Variants in TBC1D32 observed in about 807,000 individuals in gnomAD.
TBC1D32 encodes TBC1 domain family member 32.
In TBC1D32, 151 loss-of-function variants were observed where a neutral mutation model predicts 170.3. That is an observed-to-expected ratio of 0.89 (90% confidence interval 0.78 to 1.01). TBC1D32 has a LOEUF of 1.01. Ranked by LOEUF, TBC1D32 falls within the 50% of genes least tolerant of loss-of-function variation. TBC1D32 has a pLI of 0.00. For synonymous variants in TBC1D32, 498 were observed against 488.0 expected (o/e 1.02, Z -0.27); for missense variants, 1,464 against 1,457.1 (o/e 1.00, Z -0.08).
Position 121,300,215 on chromosome 6 carries a change from G to A in TBC1D32, c.1081-710C>T, listed in dbSNP as rs144471644. Among the ~76,000 whole-genome samples the A allele has an allele frequency of 3.7e-3, 567 of 152,084 alleles. 4 individuals are homozygous for A. The highest frequency in any genetic ancestry group is 0.012 in the African/African-American group (500 of 41,480). On this transcript the variant is annotated intron_variant, in intron 9 of 31. Coordinates refer to ENST00000398212, the MANE Select transcript of TBC1D32 (RefSeq NM_152730.6). ...TCCCAGCACTTTGAGAGGATGAGGC[G>A]GGCAAATCACGAGGTCAGGAGTTCG...
At chr6:121,295,362 T>C (rs1805460138) in intron 10 of TBC1D32, among the ~76,000 whole-genome samples, 1 of 151,004 alleles carries the variant, frequency 6.6e-6, no homozygotes, top group African/African-American at 2.4e-5. Flanking sequence ...AGGCAGTTGT[T>C]GGTGACCTTG....
Position 121,233,078 on chromosome 6 carries a change from A to T in TBC1D32, c.2364+5992T>A, listed in dbSNP as rs111739330. 3.1e-3 allele frequency among the ~76,000 whole-genome samples: 464 copies of T among 152,110 alleles called. 4 individuals carry two copies. Among genetic ancestry groups the T allele is most frequent in the African/African-American group, 0.011 (449 of 41,510 alleles). On this transcript the variant is annotated intron_variant, in intron 20 of 31. Transcript: ENST00000398212. ...CCACTGTGGTCTGAGAGAGTACCTG[A>T]TATAATTTTGATTTTCTTAAATTTA...
At chr6:121,205,577 C>T (rs555487244) in intron 21 of TBC1D32, among the ~76,000 whole-genome samples, 1 of 152,146 alleles carries the variant, frequency 6.6e-6, no homozygotes, top group Non-Finnish European at 1.5e-5. Context: ...GAATGAACAA[C>T]GGATCAAAAT....
intron 15 of TBC1D32, among the ~76,000 whole-genome samples, chr6:121,266,278 A>G (rs1296312294): frequency 6.6e-6 from 1 of 152,194 alleles, no homozygotes; most frequent in Admixed American, 6.5e-5. Flanking sequence ...ACTTCTCAAA[A>G]GAAGACATTT....
At chr6:121,281,992 G>A (rs1158994132) in intron 13 of TBC1D32, among the ~76,000 whole-genome samples, 3 of 151,716 alleles carry the variant, frequency 2.0e-5, no homozygotes, top group Non-Finnish European at 3.0e-5. Context: ...TGAAGCAAAT[G>A]TACAGCTTTT....
intron 3 of TBC1D32, among the ~76,000 whole-genome samples, chr6:121,317,279 C>T (rs1809065628): frequency 6.6e-6 from 1 of 151,668 alleles, no homozygotes; most frequent in Non-Finnish European, 1.5e-5. Flanking sequence ...TCTCATATCA[C>T]CAAGAATTAT....
At chr6:121,127,503 C>T (rs890653148) in intron 25 of TBC1D32, among the ~76,000 whole-genome samples, 1 of 152,046 alleles carries the variant, frequency 6.6e-6, no homozygotes, top group Non-Finnish European at 1.5e-5. Flanking sequence ...GTATTGTAAG[C>T]TATTTATGTT....
intron 29 of TBC1D32, among the ~76,000 whole-genome samples, chr6:121,108,972 T>C (rs1778962254): frequency 6.6e-6 from 1 of 152,142 alleles, no homozygotes; most frequent in African/African-American, 2.4e-5. Context: ...TTTGATTCTA[T>C]AATTCTAGAT....
intron 1 of TBC1D32, among the ~76,000 whole-genome samples, chr6:121,332,200 G>A (rs1193796317): frequency 3.3e-5 from 5 of 151,926 alleles, no homozygotes; most frequent in Non-Finnish European, 7.4e-5. Flanking sequence ...AATAATTATA[G>A]GCAAACGTGT....
chr6:121,177,957 G>C (rs1787993886), intron 22 of TBC1D32, among the ~76,000 whole-genome samples: 1 of 152,088 alleles, frequency 6.6e-6, no homozygotes, highest in Non-Finnish European at 1.5e-5. Context: ...ACCCAAGACT[G>C]GGTAATTTAT....
Position 121,188,489 on chromosome 6 carries a change from A to C in TBC1D32, c.2570+16586T>G, listed in dbSNP as rs372604432. On this transcript the variant is annotated intron_variant, in intron 22 of 31. Transcript: ENST00000398212. ...CAAGAATATGACAAAACTATAGAAC[A>C]GAGAGAGAAGGAGAGCCAATGAAAT... 8.5e-5 allele frequency among the ~76,000 whole-genome samples: 13 copies of C among 152,284 alleles called. No individual in the cohort carries two copies. The East Asian group carries it at 2.3e-3, about 27-fold the overall frequency.
intron 21 of TBC1D32, among the ~76,000 whole-genome samples, chr6:121,218,711 C>T (rs1320159129): frequency 6.6e-6 from 1 of 152,120 alleles, no homozygotes; most frequent in Non-Finnish European, 1.5e-5. Context: ...AGTTCTGTCC[C>T]TCTAAAGAAC....
intron 2 of TBC1D32, among the ~76,000 whole-genome samples, chr6:121,320,838 T>TA (rs1463088771): frequency 6.6e-6 from 1 of 152,188 alleles, no homozygotes; most frequent in East Asian, 1.9e-4. Context: ...CTCAGGTATA[T>TA]ATTCAAACGT....
intron 24 of TBC1D32, among the ~76,000 whole-genome samples, chr6:121,147,481 T>A (rs537305143): frequency 6.6e-6 from 1 of 152,350 alleles, no homozygotes; most frequent in African/African-American, 2.4e-5. Context: ...CCAACATCTG[T>A]TATTTTTTGA....
chr6:121,275,940 CGTG>C (rs1229565272), intron 15 of TBC1D32, among the ~76,000 whole-genome samples: 3 of 151,816 alleles, frequency 2.0e-5, no homozygotes, highest in Non-Finnish European at 4.4e-5. Context: ...GTCTGGGAAA[CGTG>C]GTGAAACCGT....
intron 20 of TBC1D32, among the ~76,000 whole-genome samples, chr6:121,233,341 A>G (rs1469891948): frequency 1.3e-5 from 2 of 152,038 alleles, no homozygotes; most frequent in East Asian, 3.9e-4. Context: ...GTTGCCATCT[A>G]TCTCATTTCT....
chr6:121,147,130 G>A (rs1179427950), intron 24 of TBC1D32, among the ~76,000 whole-genome samples: 3 of 152,136 alleles, frequency 2.0e-5, no homozygotes, highest in African/African-American at 7.2e-5. Flanking sequence ...CTGCATCCAT[G>A]TTGCTGCAAA....
At chr6:121,270,915 A>G (rs1435966242) in intron 15 of TBC1D32, among the ~76,000 whole-genome samples, 18 of 152,174 alleles carry the variant, frequency 1.2e-4, no homozygotes, top group Admixed American at 8.5e-4. Context: ...TATCCACCAC[A>G]AACAAGTTGA....
At chr6:121,304,081 C>G (rs1194048345) in intron 8 of TBC1D32, among the ~76,000 whole-genome samples, 3 of 147,530 alleles carry the variant, frequency 2.0e-5, no homozygotes, top group African/African-American at 7.5e-5. Flanking sequence ...CAATAAGAAC[C>G]TAACGCAGAC....
Sources: gnomAD v4.1 joint callset for allele counts (sites outside exome capture counted in the v4.1 genomes callset) on GRCh38, gnomAD v4.1.1 for gene constraint, MANE v1.5 for transcripts, NCBI Gene and HGNC (gene_info 2026-07-23, HGNC 2026-07-21) for gene names.